UGT2B17: variants seen among roughly 807,000 people sequenced by gnomAD.
UGT2B17 encodes UDP glucuronosyltransferase family 2 member B17, also known as UDP-glucuronosyltransferase 2B17.
A neutral mutation model predicts 48.2 loss-of-function variants in UGT2B17; 21 were observed. That is an observed-to-expected ratio of 0.44 (90% CI 0.31 to 0.63). The LOEUF is 0.63. UGT2B17 is among the 20% of genes least tolerant of loss of function. The pLI, the probability that UGT2B17 is intolerant of heterozygous loss-of-function variation, is 0.08. For missense variants in UGT2B17, 402 were observed against 696.1 expected, an observed-to-expected ratio of 0.58 and a Z score of 4.75; for synonymous variants, 146 against 238.4, an observed-to-expected ratio of 0.61 and a Z score of 3.57.
intron 4 of UGT2B17, among the ~76,000 whole-genome samples, chr4:68,558,469 C>A (rs1366408772): frequency 7.9e-6 from 1 of 126,164 alleles, no homozygotes; most frequent in Non-Finnish European, 1.7e-5. Flanking sequence ...TAACAGCAAC[C>A]AATTTACATA....
intron 6 of UGT2B17, among the ~76,000 whole-genome samples, chr4:68,549,132 A>G (rs1730871136): frequency 8.3e-6 from 1 of 120,308 alleles, no homozygotes; most frequent in Non-Finnish European, 1.7e-5. Flanking sequence ...TTCTTGTCTT[A>G]CTAATTTTTT....
Position 68,558,317 on chromosome 4 carries a change from G to A in UGT2B17, c.1005+2220C>T, listed in dbSNP as rs1308180510. Among the ~76,000 whole-genome samples, 2 of 123,674 alleles carry A rather than the reference G, an allele frequency of 1.6e-5. 1 individual carries two copies. The highest frequency in any genetic ancestry group is 1.6e-3 in the East Asian group (2 of 1,270). 81.1% of individuals were successfully genotyped at this position (123,674 alleles called of 152,430 possible). ...TTGGACTGAATTCTAATTTTTCATG[G>A]CTACACGTCTTCAAAATAGTGTCTT... On this transcript the variant is annotated intron_variant, in intron 4 of 6. Transcript: ENST00000317746.
In UGT2B17 at chr4:68,569,955, A is replaced by G. The variant is rs1378869008; in HGVS notation, c.-64-1407T>C. 1.6e-5 allele frequency among the ~76,000 whole-genome samples: 2 copies of G among 125,998 alleles called. 1 individual carries two copies. Among genetic ancestry groups the G allele is most frequent in the Non-Finnish European group, 3.4e-5 (2 of 59,434 alleles). The allele number at this position is 125,998 out of a possible 152,430, so 82.7% of individuals were successfully genotyped here. On this transcript the variant is annotated intron_variant, in intron 1 of 6. Coordinates refer to ENST00000317746, the MANE Select transcript of UGT2B17 (RefSeq NM_001077.4). ...ATTCAAGAACCTTATATCTGGTGCC[A>G]AAACCTGGGTGGGGCTCAGGTCTGT... is the stretch of plus-strand genomic sequence containing the variant.
At chr4:68,563,684 G>A (rs907086463) in intron 3 of UGT2B17, among the ~76,000 whole-genome samples, 3 of 126,308 alleles carry the variant, frequency 2.4e-5, no homozygotes, top group African/African-American at 8.1e-5. Flanking sequence ...TTTGATGTGA[G>A]TGAGGATTTT....
At chr4:68,542,786 G>A (rs1449158888) in intron 6 of UGT2B17, among the ~76,000 whole-genome samples, 2 of 127,280 alleles carry the variant, frequency 1.6e-5, no homozygotes, top group African/African-American at 2.7e-5. Context: ...GGCACACCAG[G>A]AGATTATATC....
At chr4:68,563,791 G>A (rs1287146445) in intron 3 of UGT2B17, among the ~76,000 whole-genome samples, 2 of 125,194 alleles carry the variant, frequency 1.6e-5, no homozygotes, top group African/African-American at 5.5e-5. Context: ...GCTTTCCAGC[G>A]TGTTCAACTG....
intron 6 of UGT2B17, among the ~76,000 whole-genome samples, chr4:68,539,783 CT>C (rs869200519): frequency 0.055 from 5,164 of 93,684 alleles, 437 homozygotes; most frequent in African/African-American, 0.15. Context: ...TACATATAAT[CT>C]TTTTTTTTTT....
rs1200116426 is a variant in UGT2B17 at position 68,569,376 on chromosome 4, G to A, written c.-64-828C>T. Reference sequence around the variant, plus strand: ...AGCTGAAGTTCTGTTTGCAGGAGAAGTTCCTGACTTTATGTGAAGCTGAGT... The same window carrying A: ...AGCTGAAGTTCTGTTTGCAGGAGAAATTCCTGACTTTATGTGAAGCTGAGT... On this transcript the variant is annotated intron_variant, in intron 1 of 6. Transcript: ENST00000317746. Among the ~76,000 whole-genome samples the A allele has an allele frequency of 4.8e-5, 6 of 124,674 alleles. 1 individual carries two copies. The South Asian group carries it at 1.5e-3, about 31-fold the overall frequency. 81.8% of individuals were successfully genotyped at this position (124,674 alleles called of 152,430 possible). A position where few individuals can be genotyped will look rare whatever the true frequency, so the allele number is the denominator to read the frequency against.
chr4:68,565,640 G>C lies in UGT2B17; in HGVS notation c.805C>G (p.Arg269Gly), dbSNP rs763751564. The C allele has an allele frequency of 1.5e-6, 2 of 1,369,980 alleles. 1 individual carries two copies. 84.9% of individuals were successfully genotyped at this position (1,369,980 alleles called of 1,614,324 possible). The change falls in exon 3 of 7, where the codon CGC becomes GGC. Residue 269 changes from arginine to glycine, a missense_variant. This residue lies in a region of UGT2B17 where 106 missense variants were observed against 169.8 expected (regional missense o/e 0.62). Coordinates refer to ENST00000317746, the MANE Select transcript of UGT2B17 (RefSeq NM_001077.4). ...AAATCAACATTTGGTAAGAATGGGC[G>C]AGGAAATTCAAAATCCCAATAGGTT... Reference protein sequence around the residue: ...IRTYWDFEFPRPFLPNVDFVG... With the variant: ...IRTYWDFEFPGPFLPNVDFVG...
At position 68,539,216 on chromosome 4, in the gene UGT2B17, A is replaced by G. The variant is rs761797036; in HGVS notation, c.1314-1312T>C. On this transcript the variant is annotated intron_variant, in intron 6 of 6. Coordinates refer to ENST00000317746, the MANE Select transcript of UGT2B17 (RefSeq NM_001077.4). ...ACCAATTTATCACAAACTGCATAGA[A>G]GAACTCTTTCCTCCTGGGCCATTTT... Among the ~76,000 whole-genome samples the G allele has an allele frequency of 8.7e-5, 11 of 126,310 alleles. 5 individuals are homozygous for G. In the South Asian group the frequency reaches 2.2e-3, roughly 25 times the overall value. 82.9% of individuals were successfully genotyped at this position (126,310 alleles called of 152,430 possible).
rs1483927536 is a variant in UGT2B17, at chr4:68,569,457, T to C, written c.-64-909A>G. ...AGGGGTAGAGGAAGTAGCAGAAAGG[T>C]ACTGGGAGCTCTCTGGATACCCAAG... On this transcript the variant is annotated intron_variant, in intron 1 of 6. Transcript: ENST00000317746. Among the ~76,000 whole-genome samples the C allele has an allele frequency of 6.4e-5, 8 of 124,636 alleles. 2 individuals are homozygous for C. The highest frequency in any genetic ancestry group is 1.4e-4 in the African/African-American group (5 of 36,224). 81.8% of individuals were successfully genotyped at this position (124,636 alleles called of 152,430 possible).
At position 68,553,491 on chromosome 4, in the gene UGT2B17, C is replaced by T. The variant is rs1438473721; in HGVS notation, c.1006-1580G>A. On this transcript the variant is annotated intron_variant, in intron 4 of 6. Coordinates refer to ENST00000317746, the MANE Select transcript of UGT2B17 (RefSeq NM_001077.4). The stretch of plus-strand genomic sequence containing the variant: ...CACCCCTTTGGGGGTGCTCTGTTTT[C>T]TTTGTGGAGTTTCAAGAGTTGTGGG... Among the ~76,000 whole-genome samples the T allele has an allele frequency of 1.6e-5, 2 of 126,040 alleles. 1 individual carries two copies. Among genetic ancestry groups the T allele is most frequent in the Non-Finnish European group, 3.4e-5 (2 of 59,356 alleles). The allele number at this position is 126,040 out of a possible 152,430, so 82.7% of individuals were successfully genotyped here.
At position 68,565,761 on chromosome 4, in the gene UGT2B17, C is replaced by T. The variant is rs777959667; in HGVS notation, c.725-41G>A. 50 of 1,305,322 alleles carry T rather than the reference C, an allele frequency of 3.8e-5. 11 individuals carry two copies. Among genetic ancestry groups the T allele is most frequent in the East Asian group, 1.9e-4 (2 of 10,390 alleles). 80.9% of individuals were successfully genotyped at this position (1,305,322 alleles called of 1,614,324 possible). A position where few individuals can be genotyped will look rare whatever the true frequency, so the allele number is the denominator to read the frequency against. On this transcript the variant is annotated intron_variant, in intron 2 of 6. Coordinates refer to ENST00000317746, the MANE Select transcript of UGT2B17 (RefSeq NM_001077.4). ...AAAACAAAACAAAAGGTAGCTAACA[C>T]GAGAATTGTTATTTTAATATTGAAT... is the stretch of plus-strand genomic sequence containing the variant.
At chr4:68,566,124 A>C (rs1405331635) in intron 2 of UGT2B17, among the ~76,000 whole-genome samples, 2 of 118,690 alleles carry the variant, frequency 1.7e-5, no homozygotes, top group Admixed American at 9.0e-5. Context: ...ATTTAATTTA[A>C]TATTTAATAT....
At chr4:68,540,917 T>C (rs7440951) in intron 6 of UGT2B17, among the ~76,000 whole-genome samples, 40,727 of 124,180 alleles carry the variant, frequency 0.33, 13,139 homozygotes, top group Admixed American at 0.42. Flanking sequence ...GTTCCTGTGT[T>C]AGTTTGCTGA....
Position 68,567,972 on chromosome 4 carries a change from G to C in UGT2B17, c.513C>G (p.Tyr171Ter). The C allele has an allele frequency of 7.2e-7, 1 of 1,382,168 alleles. No individual in the cohort carries two copies. Among genetic ancestry groups the C allele is most frequent in the Non-Finnish European group, 9.5e-7 (1 of 1,055,302 alleles). 85.6% of individuals were successfully genotyped at this position (1,382,168 alleles called of 1,614,324 possible). A position where few individuals can be genotyped will look rare whatever the true frequency, so the allele number is the denominator to read the frequency against. The part of the protein sequence containing the change: ...LAELLNIPFL[Y>*]SLRFSVGYTV... ...TGTAGCCAACAGAGAAGCGGAGACT[G>C]TACAGAAAGGGTATGTTAAGTAGCT... The change falls in exon 2 of 7, where the codon TAC becomes TAG. Residue 171 changes from tyrosine to a stop codon, truncating the protein, a stop_gained. Coordinates refer to ENST00000317746, the MANE Select transcript of UGT2B17 (RefSeq NM_001077.4). LOFTEE classifies it high-confidence loss of function.
rs1268627611 is a variant in UGT2B17 at position 68,549,970 on chromosome 4, A to T, written c.1313+707T>A. On this transcript the variant is annotated intron_variant, in intron 6 of 6. Transcript: ENST00000317746. ...AAAATGAATGAGTTCTGATACATCC[A>T]ACAACATAAATAAAACTAAAAATAA... Among the ~76,000 whole-genome samples, 3 of 126,090 alleles carry T rather than the reference A, an allele frequency of 2.4e-5. 1 individual carries two copies. Among genetic ancestry groups the T allele is most frequent in the Non-Finnish European group, 5.0e-5 (3 of 59,566 alleles). The allele number at this position is 126,090 out of a possible 152,430, so 82.7% of individuals were successfully genotyped here.
chr4:68,538,553 AAAG>A lies in UGT2B17; in HGVS notation c.1314-652_1314-650del, dbSNP rs1730598223. 3.2e-5 allele frequency among the ~76,000 whole-genome samples: 4 copies of A among 126,108 alleles called. 1 individual carries two copies. The South Asian group carries it at 1.1e-3, about 34-fold the overall frequency. The allele number at this position is 126,108 out of a possible 152,430, so 82.7% of individuals were successfully genotyped here. On this transcript the variant is annotated intron_variant, in intron 6 of 6. Coordinates refer to ENST00000317746, the MANE Select transcript of UGT2B17 (RefSeq NM_001077.4). ...GTGCCCAGCCCATTTTGACATATTTAAAGAAGAATTGTGTCACAACTGGTGAAA... is the reference window on the plus strand; with the variant it reads ...GTGCCCAGCCCATTTTGACATATTTAAAGAATTGTGTCACAACTGGTGAAA...
At position 68,553,118 on chromosome 4, in the gene UGT2B17, T is replaced by C. The variant is rs1308953205; in HGVS notation, c.1006-1207A>G. Among the ~76,000 whole-genome samples the C allele has an allele frequency of 1.6e-5, 2 of 125,710 alleles. 1 individual carries two copies. The highest frequency in any genetic ancestry group is 3.4e-5 in the Non-Finnish European group (2 of 59,452). 82.5% of individuals were successfully genotyped at this position (125,710 alleles called of 152,430 possible). On this transcript the variant is annotated intron_variant, in intron 4 of 6. Coordinates refer to ENST00000317746, the MANE Select transcript of UGT2B17 (RefSeq NM_001077.4). ...ACCATTACAGTGCTTAATGATCACATTTTTGGGAGTATTTTTTTTGTACAT... is the reference window on the plus strand; with the variant it reads ...ACCATTACAGTGCTTAATGATCACACTTTTGGGAGTATTTTTTTTGTACAT...
Sources: gnomAD v4.1 joint callset for allele counts (sites outside exome capture counted in the v4.1 genomes callset) on GRCh38, gnomAD v4.1.1 for gene constraint, gnomAD v4.1.1 regional missense constraint, MANE v1.5 for transcripts, NCBI Gene and HGNC (gene_info 2026-07-23, HGNC 2026-07-21) for gene names.